The following ACP3 variants were observed in gnomAD, a reference collection of about 807,000 sequenced individuals.
The protein encoded by ACP3 is prostatic acid phosphatase.
A neutral mutation model predicts 45.6 loss-of-function variants in ACP3; 38 were observed. That is an observed-to-expected ratio of 0.83 (90% CI 0.64 to 1.09). The LOEUF (loss-of-function observed/expected upper bound fraction) is 1.09, where lower values mean the gene tolerates loss of function less well. ACP3 is among the 50% of genes least tolerant of loss of function. The pLI, the probability that ACP3 is intolerant of heterozygous loss-of-function variation, is 0.00. For missense variants in ACP3, 466 were observed against 463.2 expected, an observed-to-expected ratio of 1.01 and a Z score of -0.05; for synonymous variants, 162 against 164.7, an observed-to-expected ratio of 0.98 and a Z score of 0.13.
intron 5 of ACP3, among the ~76,000 whole-genome samples, chr3:132,339,000 G>T (rs936824453): frequency 1.3e-5 from 2 of 152,060 alleles, no homozygotes; most frequent in Non-Finnish European, 2.9e-5. Flanking sequence ...GTACTCATTG[G>T]TTATTTTTCC....
Position 132,358,371 on chromosome 3 carries a change from A to G in ACP3, c.*1493A>G, listed in dbSNP as rs1034132595. ...CGTTAGGAGGACAAAAGGAATGTGT[A>G]AGTCTTTAATGCCGATATCTTCAGA... On this transcript the variant is annotated 3_prime_UTR_variant, in exon 10 of 10. Coordinates refer to ENST00000336375, the MANE Select transcript of ACP3 (RefSeq NM_001099.5). The G allele has an allele frequency of 5.8e-6, 7 of 1,216,640 alleles. No homozygotes were observed. Among genetic ancestry groups the G allele is most frequent in the Non-Finnish European group, 7.4e-6 (7 of 943,864 alleles). 75.4% of individuals were successfully genotyped at this position (1,216,640 alleles called of 1,614,324 possible).
intron 2 of ACP3, 32 bp from the exon 3 acceptor site, chr3:132,331,615 C>A (rs770584835): frequency 1.3e-6 from 2 of 1,523,832 alleles, no homozygotes; most frequent in Admixed American, 2.2e-5. Context: ...AACTTACTTT[C>A]ATTAATTTTT....
chr3:132,344,153 C>T (rs1937581382), intron 6 of ACP3, among the ~76,000 whole-genome samples: 1 of 152,006 alleles, frequency 6.6e-6, no homozygotes, highest in Non-Finnish European at 1.5e-5. Context: ...TGGCGCATGC[C>T]TGTAATCCCA....
chr3:132,341,049 TTCATATATG>T (rs1269230163), intron 5 of ACP3, among the ~76,000 whole-genome samples: 1 of 152,204 alleles, frequency 6.6e-6, no homozygotes, highest in East Asian at 1.9e-4. Flanking sequence ...TAGGGTTTTC[TTCATATATG>T]TCTTTACATT....
At chr3:132,339,866 A>G (rs1178096114) in intron 5 of ACP3, among the ~76,000 whole-genome samples, 3 of 152,186 alleles carry the variant, frequency 2.0e-5, no homozygotes, top group Non-Finnish European at 4.4e-5. Flanking sequence ...TGAAAGTCCC[A>G]ACGCTCTAAT....
intron 2 of ACP3, among the ~76,000 whole-genome samples, chr3:132,330,094 A>G (rs938550152): frequency 4.6e-5 from 7 of 151,618 alleles, no homozygotes; most frequent in African/African-American, 1.7e-4. Flanking sequence ...AATTTTTTAT[A>G]TTTTTAGTAG....
chr3:132,345,247 T>G (rs962091034), intron 7 of ACP3, among the ~76,000 whole-genome samples, 188 bp downstream of exon 7: 2 of 152,202 alleles, frequency 1.3e-5, no homozygotes, highest in African/African-American at 4.8e-5. Flanking sequence ...TTAAAATGAA[T>G]GTATGTATTC....
At chr3:132,339,968 A>G (rs1937534013) in intron 5 of ACP3, among the ~76,000 whole-genome samples, 1 of 152,182 alleles carries the variant, frequency 6.6e-6, no homozygotes, top group South Asian at 2.1e-4. Flanking sequence ...AAAAAGACAT[A>G]CTTTGGAGAC....
intron 1 of ACP3, among the ~76,000 whole-genome samples, chr3:132,320,226 C>T (rs900335452): frequency 3.3e-5 from 5 of 152,170 alleles, no homozygotes; most frequent in Non-Finnish European, 7.3e-5. Context: ...ACAGCATTCA[C>T]CTCCCTCTTT....
chr3:132,336,214 C>T (rs1483986865), intron 4 of ACP3, among the ~76,000 whole-genome samples: 2 of 152,100 alleles, frequency 1.3e-5, no homozygotes, highest in Admixed American at 6.5e-5. Flanking sequence ...GAGCCGAGAT[C>T]GCGCCACTGC....
downstream of ACP3, among the ~76,000 whole-genome samples, chr3:132,359,034 C>A (rs1428124635): frequency 6.6e-6 from 1 of 152,042 alleles, no homozygotes; most frequent in Non-Finnish European, 1.5e-5. Context: ...TAAGGAAACA[C>A]CCTCAGGAAG....
chr3:132,345,194 A>C, intron 7 of ACP3, 135 bp downstream of exon 7: 1 of 748,884 alleles, frequency 1.3e-6, no homozygotes, highest in Non-Finnish European at 2.1e-6. Context: ...TCCATTCTGC[A>C]AAATGGGGAT....
chr3:132,335,854 G>T (rs148534853), intron 4 of ACP3, among the ~76,000 whole-genome samples: 27 of 152,316 alleles, frequency 1.8e-4, no homozygotes, highest in African/African-American at 6.5e-4. Flanking sequence ...TCTTGATGTA[G>T]TCTGTGTGGT....
In ACP3 at chr3:132,320,379, T is replaced by C. The variant is rs1034486494; in HGVS notation, c.120+2803T>C. 2.0e-5 allele frequency among the ~76,000 whole-genome samples: 3 copies of C among 152,188 alleles called. No individual in the cohort carries two copies. In the East Asian group the frequency reaches 5.8e-4, roughly 29 times the overall value. Reference sequence around the variant, plus strand: ...CCCATGCAATCTTGTTTCATCTGCATAGCCACTCATTTCCCACACACACCC... The same window carrying C: ...CCCATGCAATCTTGTTTCATCTGCACAGCCACTCATTTCCCACACACACCC... On this transcript the variant is annotated intron_variant, in intron 1 of 9. Coordinates refer to ENST00000336375, the MANE Select transcript of ACP3 (RefSeq NM_001099.5).
At position 132,344,985 on chromosome 3, in the gene ACP3, G is replaced by A. The variant is rs200598576; in HGVS notation, c.707G>A (p.Arg236Lys). The part of the protein sequence containing the change: ...WATEDTMTKL[R>K]ELSELSLLSL... Reference sequence around the variant, plus strand: ...ACTGAGGACACCATGACTAAGTTGAGAGAATTGTCAGAATTGTCCCTCCTG... The same window carrying A: ...ACTGAGGACACCATGACTAAGTTGAAAGAATTGTCAGAATTGTCCCTCCTG... Residue 236 changes from arginine to lysine, a missense_variant, in exon 7 of 10, where the codon AGA becomes AAA. Physicochemically the swap from Arg to Lys is conservative, Grantham distance 26. Coordinates refer to ENST00000336375, the MANE Select transcript of ACP3 (RefSeq NM_001099.5). 1.7e-4 allele frequency: 274 copies of A among 1,613,794 alleles called. 1 individual carries two copies. The highest frequency in any genetic ancestry group is 2.2e-4 in the Non-Finnish European group (261 of 1,179,938).
intron 9 of ACP3, among the ~76,000 whole-genome samples, chr3:132,353,529 A>T (rs1330060399): frequency 1.3e-5 from 2 of 152,222 alleles, no homozygotes; most frequent in Non-Finnish European, 2.9e-5. Context: ...GGTATTTGGA[A>T]CAAGTCACCA....
At chr3:132,359,610 T>C (rs1382817391), downstream of ACP3, among the ~76,000 whole-genome samples, 1 of 152,206 alleles carries the variant, frequency 6.6e-6, no homozygotes, top group Non-Finnish European at 1.5e-5. Flanking sequence ...GAGTTATTTT[T>C]TACCCTACCC....
chr3:132,357,783 C>A lies in ACP3; in HGVS notation c.*905C>A. ...GCATGGTGGTTTACGCCTATAATCC[C>A]AGCATTTTGGGAGTCCGAGGTGGGC... On this transcript the variant is annotated 3_prime_UTR_variant, in exon 10 of 10. Transcript: ENST00000336375. 1 of 981,322 alleles carries A rather than the reference C, an allele frequency of 1.0e-6. No individual in the cohort carries two copies. The highest frequency in any genetic ancestry group is 1.2e-6 in the Non-Finnish European group (1 of 826,278). 60.8% of individuals were successfully genotyped at this position (981,322 alleles called of 1,614,324 possible).
chr3:132,355,782 C>A (rs1416109506), intron 9 of ACP3, among the ~76,000 whole-genome samples: 2 of 152,226 alleles, frequency 1.3e-5, no homozygotes, highest in African/African-American at 4.8e-5. Context: ...TCCCAAAGTG[C>A]TGGGATTACA....
Sources: allele counts gnomAD v4.1 joint callset (sites outside exome capture counted in the v4.1 genomes callset), GRCh38; gene constraint gnomAD v4.1.1; transcripts MANE v1.5; gene names NCBI Gene and HGNC (gene_info 2026-07-23, HGNC 2026-07-21).